FTO: variants seen among roughly 807,000 people sequenced by gnomAD.
FTO encodes FTO alpha-ketoglutarate dependent dioxygenase.
Under a neutral mutation model 63.9 loss-of-function variants are expected in FTO, and 47 were observed. The ratio of observed to expected loss-of-function variants is 0.74; its 90% confidence interval spans 0.58 to 0.94. FTO has a LOEUF of 0.94. Ranked by LOEUF, FTO falls within the 40% of genes least tolerant of loss-of-function variation. FTO has a pLI of 0.00. For missense variants in FTO, 562 were observed against 618.1 expected, an observed-to-expected ratio of 0.91 and a Z score of 0.96; for synonymous variants, 207 against 224.4, an observed-to-expected ratio of 0.92 and a Z score of 0.69.
chr16:54,040,392 C>T (rs1567533897), intron 8 of FTO: 1 of 152,188 alleles, frequency 6.6e-6, no homozygotes, highest in Non-Finnish European at 1.5e-5. Context: ...AATCAACACA[C>T]AGATTATTTG....
intron 4 of FTO, among the ~76,000 whole-genome samples, chr16:53,855,262 A>G (rs1170833001): frequency 6.6e-5 from 10 of 152,026 alleles, no homozygotes; most frequent in Non-Finnish European, 5.9e-5. Context: ...CCTCTTTTCA[A>G]TTTGGATGCC....
At chr16:53,737,372 C>T (rs1208025601) in intron 1 of FTO, among the ~76,000 whole-genome samples, 2 of 152,084 alleles carry the variant, frequency 1.3e-5, no homozygotes, top group East Asian at 3.9e-4. Context: ...TGCACTTACA[C>T]AAACCTAGAT....
chr16:53,788,135 G>C (rs143146685), intron 1 of FTO, among the ~76,000 whole-genome samples: 180 of 152,226 alleles, frequency 1.2e-3, no homozygotes, highest in African/African-American at 4.1e-3. Flanking sequence ...TGAATTAGGA[G>C]AAAAAAGTAG....
chr16:53,892,440 T>C (rs540595185), intron 7 of FTO, among the ~76,000 whole-genome samples: 1 of 152,288 alleles, frequency 6.6e-6, no homozygotes, highest in South Asian at 2.1e-4. Flanking sequence ...CAATTTAACA[T>C]AAAAAGTACA....
chr16:53,919,487 G>C (rs2081958591), intron 7 of FTO, among the ~76,000 whole-genome samples: 1 of 152,012 alleles, frequency 6.6e-6, no homozygotes, highest in Non-Finnish European at 1.5e-5. Flanking sequence ...CTACCCAAAG[G>C]AAAAGAATTC....
chr16:54,023,006 T>C (rs150196046), intron 8 of FTO, among the ~76,000 whole-genome samples: 31 of 152,342 alleles, frequency 2.0e-4, no homozygotes, highest in African/African-American at 7.5e-4. Context: ...TGGAGAAATA[T>C]TGCATTACTA....
At chr16:53,882,717 T>A (rs1222988523) in intron 6 of FTO, among the ~76,000 whole-genome samples, 2 of 152,204 alleles carry the variant, frequency 1.3e-5, no homozygotes, top group Admixed American at 1.3e-4. Context: ...TCCTTTTTAC[T>A]CTGCAGGAAA....
At chr16:53,852,772 T>A (rs1281475774) in intron 4 of FTO, among the ~76,000 whole-genome samples, 5 of 152,238 alleles carry the variant, frequency 3.3e-5, no homozygotes, top group African/African-American at 4.8e-5. Context: ...TGTATTTGAA[T>A]CATGACTTTG....
In FTO at chr16:53,938,083, T is replaced by C. The variant is rs188655776; in HGVS notation, c.1364+3974T>C. On this transcript the variant is annotated intron_variant, in intron 8 of 8. Coordinates refer to ENST00000471389, the MANE Select transcript of FTO (RefSeq NM_001080432.3). ...GCCTGCTTCATTTCAGTGATGTAGG[T>C]AAATCAAGTGTTAGAGAAAATGCTT... is the stretch of plus-strand genomic sequence containing the variant. 1.8e-3 allele frequency among the ~76,000 whole-genome samples: 279 copies of C among 152,326 alleles called. 2 individuals are homozygous for C. The highest frequency in any genetic ancestry group is 5.9e-3 in the African/African-American group (245 of 41,574).
chr16:53,886,446 A>G (rs1347994643), intron 6 of FTO, among the ~76,000 whole-genome samples: 1 of 152,218 alleles, frequency 6.6e-6, no homozygotes, highest in Non-Finnish European at 1.5e-5. Flanking sequence ...CATCAAAAAG[A>G]ACTCATTTTT....
At chr16:53,899,537 G>A (rs2081351998) in intron 7 of FTO, among the ~76,000 whole-genome samples, 1 of 152,194 alleles carries the variant, frequency 6.6e-6, no homozygotes, top group African/African-American at 2.4e-5. Context: ...GCTGAAAACT[G>A]ATTAAAATAT....
At chr16:53,872,249 T>A (rs2080521326) in intron 4 of FTO, among the ~76,000 whole-genome samples, 1 of 152,168 alleles carries the variant, frequency 6.6e-6, no homozygotes, top group Non-Finnish European at 1.5e-5. Context: ...TGGTGCTTCT[T>A]TTTTTGGCCC....
intron 1 of FTO, among the ~76,000 whole-genome samples, chr16:53,740,857 G>C (rs767487412): frequency 6.6e-6 from 1 of 152,150 alleles, no homozygotes; most frequent in Non-Finnish European, 1.5e-5. Context: ...AAGGCTGAAA[G>C]GTTTAAAGAA....
At chr16:53,921,868 A>G (rs980230843) in intron 7 of FTO, among the ~76,000 whole-genome samples, 2 of 152,170 alleles carry the variant, frequency 1.3e-5, no homozygotes, top group Non-Finnish European at 2.9e-5. Context: ...ATATATATAT[A>G]TAGCATAACA....
chr16:53,961,849 A>G (rs1376421311), intron 8 of FTO, among the ~76,000 whole-genome samples: 1 of 152,174 alleles, frequency 6.6e-6, no homozygotes, highest in African/African-American at 2.4e-5. Context: ...CTGGCACAGT[A>G]TACGCTTAGG....
intron 8 of FTO, among the ~76,000 whole-genome samples, chr16:54,106,659 TTA>T (rs1193120357): frequency 7.3e-6 from 1 of 137,598 alleles, no homozygotes; most frequent in Non-Finnish European, 1.5e-5. Flanking sequence ...AGTTATATCA[TTA>T]TATATTATAT....
chr16:53,894,302 G>A (rs957768239), intron 7 of FTO, among the ~76,000 whole-genome samples: 56 of 152,198 alleles, frequency 3.7e-4, no homozygotes, highest in Non-Finnish European at 7.1e-4. Context: ...GTCTTCCTCA[G>A]CATAGGTTAC....
chr16:53,884,500 G>T (rs566509375), intron 6 of FTO, among the ~76,000 whole-genome samples: 1 of 152,066 alleles, frequency 6.6e-6, no homozygotes, highest in Non-Finnish European at 1.5e-5. Context: ...ACTTCTTTCC[G>T]TTATTACAGT....
At chr16:53,910,868 C>T (rs1361825816) in intron 7 of FTO, among the ~76,000 whole-genome samples, 1 of 152,120 alleles carries the variant, frequency 6.6e-6, no homozygotes, top group Non-Finnish European at 1.5e-5. Context: ...ATAGAATTCA[C>T]CATCAGTCTG....
Sources: gnomAD v4.1 joint callset for allele counts (sites outside exome capture counted in the v4.1 genomes callset) on GRCh38, gnomAD v4.1.1 for gene constraint, MANE v1.5 for transcripts, NCBI Gene and HGNC (gene_info 2026-07-23, HGNC 2026-07-21) for gene names.